JAKMIP3: variants seen among roughly 807,000 people sequenced by gnomAD.
JAKMIP3 encodes the protein janus kinase and microtubule-interacting protein 3.
A neutral mutation model predicts 118.5 loss-of-function variants in JAKMIP3; 58 were observed. The observed-to-expected ratio is 0.49, with a 90% CI of 0.40 to 0.61. The LOEUF is 0.61. JAKMIP3 is among the 20% of genes least tolerant of loss of function. JAKMIP3 has a pLI of 0.00. For missense variants in JAKMIP3, 950 were observed against 1,109.0 expected (o/e 0.86, Z 2.04); for synonymous variants, 486 against 451.2 (o/e 1.08, Z -0.98).
intron 3 of JAKMIP3, among the ~76,000 whole-genome samples, chr10:132,124,666 A>AGG (rs1191823385): frequency 1.3e-5 from 2 of 152,200 alleles, no homozygotes; most frequent in Non-Finnish European, 2.9e-5. Context: ...CTTCTGTGAG[A>AGG]GGCATTTGAG....
intron 23 of JAKMIP3, among the ~76,000 whole-genome samples, chr10:132,178,636 C>G (rs1384156233): frequency 2.0e-5 from 3 of 152,180 alleles, no homozygotes; most frequent in Admixed American, 6.5e-5. Context: ...ACTGCAGGGT[C>G]TCACCCCCTC....
intron 1 of JAKMIP3, among the ~76,000 whole-genome samples, chr10:132,080,751 C>G (rs1457358279): frequency 6.6e-6 from 1 of 151,838 alleles, no homozygotes; most frequent in Non-Finnish European, 1.5e-5. Context: ...AACTCCCAAC[C>G]TCAAGCAGTC....
In JAKMIP3 at chr10:132,184,272, T is replaced by C. The variant is rs993734567; in HGVS notation, c.*3019T>C. The C allele has an allele frequency of 6.6e-6, 1 of 152,256 alleles. No homozygotes were observed. The highest frequency in any genetic ancestry group is 1.5e-5 in the Non-Finnish European group (1 of 68,050). The allele number at this position is 152,256 out of a possible 1,614,324, so 9.4% of individuals were successfully genotyped here. A position where few individuals can be genotyped will look rare whatever the true frequency, so the allele number is the denominator to read the frequency against. On this transcript the variant is annotated 3_prime_UTR_variant, in exon 24 of 24. Transcript: ENST00000684848. ...TTAAAGTCTCTGCCCTTGCAGAATCTGTAGCCTTCAGGATACCCCGAGTGC... is the reference window on the plus strand; with the variant it reads ...TTAAAGTCTCTGCCCTTGCAGAATCCGTAGCCTTCAGGATACCCCGAGTGC...
chr10:132,087,366 C>G (rs1404956103), intron 1 of JAKMIP3, among the ~76,000 whole-genome samples: 1 of 152,078 alleles, frequency 6.6e-6, no homozygotes, highest in Non-Finnish European at 1.5e-5. Flanking sequence ...GATGAATTTC[C>G]CAGGTGTTCT....
rs1256265144 is a variant in JAKMIP3, at chr10:132,104,746, CCCCAG to C, written c.-50_-46del. 1.3e-5 allele frequency: 20 copies of C among 1,523,968 alleles called. No individual in the cohort carries two copies. Among genetic ancestry groups the C allele is most frequent in the Admixed American group, 6.0e-5 (3 of 50,330 alleles). 94.4% of individuals were successfully genotyped at this position (1,523,968 alleles called of 1,614,324 possible). ...AGCTTGGCGTGGACACCCCAGCCAC[CCCCAG>C]CCCAGCCCAGCCGGAGCACCCTACC... On this transcript the variant is annotated 5_prime_UTR_variant, in exon 2 of 24. Coordinates refer to ENST00000684848, the MANE Select transcript of JAKMIP3 (RefSeq NM_001323087.2).
chr10:132,052,921 A>G (rs2038139741), intron 1 of JAKMIP3, among the ~76,000 whole-genome samples: 1 of 152,378 alleles, frequency 6.6e-6, no homozygotes, highest in African/African-American at 2.4e-5. Context: ...AGTTTTAAAA[A>G]TAGAATTGTT....
At position 132,168,255 on chromosome 10, in the gene JAKMIP3, C is replaced by T. The variant is rs1169292312; in HGVS notation, c.*325C>T. On this transcript the variant is annotated 3_prime_UTR_variant, in exon 23 of 24. Transcript: ENST00000684848. The stretch of plus-strand genomic sequence containing the variant: ...CCATCCCATTTCCAGGGATGTGTAG[C>T]ATTCCCTGCCAAGCAGGGGTGAGAA... The T allele has an allele frequency of 3.6e-5, 47 of 1,289,334 alleles. No homozygotes were observed. The East Asian group carries it at 2.5e-3, about 69-fold the overall frequency. The allele number at this position is 1,289,334 out of a possible 1,614,324, so 79.9% of individuals were successfully genotyped here.
intron 1 of JAKMIP3, among the ~76,000 whole-genome samples, chr10:132,037,255 G>A (rs1346688471): frequency 6.6e-6 from 1 of 152,140 alleles, no homozygotes; most frequent in Non-Finnish European, 1.5e-5. Context: ...AATATTCTCT[G>A]CGTGTACCCG....
At position 132,137,296 on chromosome 10, in the gene JAKMIP3, A is replaced by G. The variant is rs902128644; in HGVS notation, c.1284+7A>G. The G allele has an allele frequency of 3.7e-6, 6 of 1,613,582 alleles. No individual in the cohort carries two copies. The African/African-American group carries it at 8.0e-5, about 22-fold the overall frequency. On this transcript the variant is annotated splice_region_variant and intron_variant, in intron 8 of 23. Coordinates refer to ENST00000684848, the MANE Select transcript of JAKMIP3 (RefSeq NM_001323087.2). Reference sequence around the variant, plus strand: ...CTACGTGAAGAGCGTGTTAGTAAGTATGGTCAGCGCCCGCTTCCCCACGCC... The same window carrying G: ...CTACGTGAAGAGCGTGTTAGTAAGTGTGGTCAGCGCCCGCTTCCCCACGCC...
At chr10:132,113,197 A>C (rs2047132561) in intron 2 of JAKMIP3, among the ~76,000 whole-genome samples, 1 of 152,248 alleles carries the variant, frequency 6.6e-6, no homozygotes, top group African/African-American at 2.4e-5. Flanking sequence ...AATGGCCGAA[A>C]GCATTAGCAG....
At chr10:132,127,995 A>G (rs2049948524) in intron 3 of JAKMIP3, among the ~76,000 whole-genome samples, 1 of 152,164 alleles carries the variant, frequency 6.6e-6, no homozygotes, top group South Asian at 2.1e-4. Flanking sequence ...TGCTGTTCCC[A>G]TAAGCAGCCA....
chr10:132,145,714 G>A, intron 13 of JAKMIP3, 134 bp downstream of exon 13: 2 of 729,332 alleles, frequency 2.7e-6, no homozygotes, highest in East Asian at 2.7e-5. Context: ...CTTCTGCTCT[G>A]CTCCCTCCTG....
chr10:132,121,362 A>C (rs765217371), intron 3 of JAKMIP3, among the ~76,000 whole-genome samples: 5 of 152,154 alleles, frequency 3.3e-5, no homozygotes, highest in Non-Finnish European at 5.9e-5. Context: ...GACAGCTACT[A>C]TTACAGCTGA....
At chr10:132,166,440 A>G (rs1009347371) in intron 21 of JAKMIP3, among the ~76,000 whole-genome samples, 6 of 151,892 alleles carry the variant, frequency 4.0e-5, no homozygotes, top group African/African-American at 9.7e-5. Context: ...CTGGCTCCCG[A>G]CCCCCAGCCC....
chr10:132,071,764 G>T (rs1159683932), intron 1 of JAKMIP3, among the ~76,000 whole-genome samples: 1 of 151,196 alleles, frequency 6.6e-6, no homozygotes, highest in Non-Finnish European at 1.5e-5. Context: ...ATTTAGAGTG[G>T]GTTTCTTCTT....
intron 1 of JAKMIP3, among the ~76,000 whole-genome samples, chr10:132,096,527 C>T (rs966567688): frequency 1.3e-5 from 2 of 152,148 alleles, no homozygotes; most frequent in African/African-American, 2.4e-5. Context: ...GAAGTGCACT[C>T]GCAAATTTTA....
chr10:132,139,485 T>A (rs1778203235), intron 9 of JAKMIP3, among the ~76,000 whole-genome samples: 1 of 144,300 alleles, frequency 6.9e-6, no homozygotes, highest in East Asian at 2.0e-4. Flanking sequence ...TGAGTGTGTG[T>A]GAGAGTATGT....
chr10:132,063,577 C>G (rs778149155), upstream of JAKMIP3, among the ~76,000 whole-genome samples: 10 of 152,192 alleles, frequency 6.6e-5, no homozygotes, highest in Non-Finnish European at 1.3e-4. Context: ...CGGGTGTCAG[C>G]CCGGCCCAGC....
At chr10:132,071,887 T>TTC (rs2039981348) in intron 1 of JAKMIP3, among the ~76,000 whole-genome samples, 1 of 41,784 alleles carries the variant, frequency 2.4e-5, no homozygotes, top group South Asian at 8.6e-4. Context: ...TTCCTTTCTT[T>TTC]CTTTCCTTTC....
Sources: allele counts gnomAD v4.1 joint callset (sites outside exome capture counted in the v4.1 genomes callset), GRCh38; gene constraint gnomAD v4.1.1; transcripts MANE v1.5; gene names NCBI Gene and HGNC (gene_info 2026-07-23, HGNC 2026-07-21).